The following LRRC49 variants were observed in gnomAD, a reference collection of about 807,000 sequenced individuals.
LRRC49 encodes leucine-rich repeat-containing protein 49.
In LRRC49, 50 loss-of-function variants were observed where a neutral mutation model predicts 83.3. That is an observed-to-expected ratio of 0.60 (90% CI 0.48 to 0.76). The LOEUF is 0.76. LRRC49 is among the 30% of genes least tolerant of loss of function. LRRC49 has a pLI of 0.00. For synonymous variants in LRRC49, 286 were observed against 283.3 expected (o/e 1.01, Z -0.10); for missense variants, 704 against 809.1 (o/e 0.87, Z 1.58).
At chr15:71,025,860 C>T (rs1315042697) in intron 14 of LRRC49, among the ~76,000 whole-genome samples, 2 of 152,034 alleles carry the variant, frequency 1.3e-5, no homozygotes, top group Non-Finnish European at 2.9e-5. Flanking sequence ...TACAGGAGCA[C>T]CCAGATTCAT....
chr15:70,977,398 A>G (rs958187123), intron 9 of LRRC49, among the ~76,000 whole-genome samples: 2 of 152,182 alleles, frequency 1.3e-5, no homozygotes, highest in African/African-American at 4.8e-5. Flanking sequence ...TAATTGTAGC[A>G]CTTTGGGAGG....
chr15:70,915,368 A>T (rs957714864), intron 6 of LRRC49, among the ~76,000 whole-genome samples: 1 of 152,208 alleles, frequency 6.6e-6, no homozygotes, highest in African/African-American at 2.4e-5. Context: ...GTAGTTTTCT[A>T]AAAGAAATGT....
intron 9 of LRRC49, among the ~76,000 whole-genome samples, chr15:70,978,039 T>C (rs2141218377): frequency 6.6e-6 from 1 of 152,236 alleles, no homozygotes; most frequent in Admixed American, 6.5e-5. Flanking sequence ...TTTTTAAATA[T>C]AATTATTTAA....
chr15:70,853,970 G>A, intron 1 of LRRC49: 1 of 1,459,732 alleles, frequency 6.9e-7, no homozygotes, highest in Non-Finnish European at 9.1e-7. Flanking sequence ...GGCGCCCCGA[G>A]TCTCCGCCCC....
chr15:70,913,778 A>G lies in LRRC49; in HGVS notation c.567+2180A>G, dbSNP rs1284148184. 3.3e-5 allele frequency among the ~76,000 whole-genome samples: 5 copies of G among 152,196 alleles called. No individual in the cohort carries two copies. The East Asian group carries it at 9.6e-4, about 29-fold the overall frequency. ...TTGTTTATTTTAAAGTGTATACATG[A>G]GAAATAATAAACATATGATTTTCAA... On this transcript the variant is annotated intron_variant, in intron 6 of 15. Coordinates refer to ENST00000260382, the MANE Select transcript of LRRC49 (RefSeq NM_017691.5).
At chr15:70,925,304 T>C (rs1476128700) in intron 7 of LRRC49, among the ~76,000 whole-genome samples, 3 of 152,084 alleles carry the variant, frequency 2.0e-5, no homozygotes, top group Non-Finnish European at 4.4e-5. Flanking sequence ...CAAAAAGTTA[T>C]GGAAATAGGG....
chr15:70,909,072 T>C (rs1442809156), intron 5 of LRRC49, among the ~76,000 whole-genome samples: 1 of 152,192 alleles, frequency 6.6e-6, no homozygotes, highest in Admixed American at 6.5e-5. Context: ...GTTTCTCTGA[T>C]TGAAGGGCCT....
chr15:70,862,920 C>T (rs1274451198), intron 1 of LRRC49, among the ~76,000 whole-genome samples: 1 of 152,126 alleles, frequency 6.6e-6, no homozygotes, highest in Admixed American at 6.5e-5. Context: ...AGGCATCAGA[C>T]CAGCCTGCTG....
intron 9 of LRRC49, among the ~76,000 whole-genome samples, chr15:70,969,930 T>A (rs777522494): frequency 5.3e-5 from 8 of 152,126 alleles, no homozygotes; most frequent in Non-Finnish European, 1.0e-4. Context: ...CAAACAGAGA[T>A]AATCTGACTC....
intron 1 of LRRC49, chr15:70,860,035 C>T: frequency 2.7e-6 from 2 of 742,896 alleles, no homozygotes; most frequent in East Asian, 4.9e-5. Flanking sequence ...GCCTGGGCTC[C>T]AGCTTTGGCT....
intron 14 of LRRC49, among the ~76,000 whole-genome samples, chr15:71,015,543 G>T (rs1405534413): frequency 6.6e-6 from 1 of 152,136 alleles, no homozygotes; most frequent in Non-Finnish European, 1.5e-5. Flanking sequence ...CCTGCTATGT[G>T]GCCCGGTTCC....
chr15:70,940,236 C>T (rs954045847), intron 8 of LRRC49, among the ~76,000 whole-genome samples: 3 of 150,724 alleles, frequency 2.0e-5, no homozygotes, highest in African/African-American at 7.3e-5. Context: ...TTTCACTGAC[C>T]TTCAGAATAT....
chr15:70,998,641 A>G (rs1042101078), intron 11 of LRRC49, among the ~76,000 whole-genome samples: 1 of 152,082 alleles, frequency 6.6e-6, no homozygotes, highest in Non-Finnish European at 1.5e-5. Context: ...TAGTTTGATT[A>G]TAATGTGTCT....
chr15:70,872,499 A>T (rs1012974902), intron 1 of LRRC49, among the ~76,000 whole-genome samples: 14 of 152,146 alleles, frequency 9.2e-5, no homozygotes, highest in Non-Finnish European at 2.1e-4. Flanking sequence ...AAACATTCAT[A>T]TTGGTGCTAA....
At chr15:71,011,779 G>A (rs141320068) in intron 13 of LRRC49, among the ~76,000 whole-genome samples, 11 of 152,272 alleles carry the variant, frequency 7.2e-5, no homozygotes, top group Non-Finnish European at 1.3e-4. Flanking sequence ...ATCCAGGGAA[G>A]GGAAGAGAGT....
Position 70,894,356 on chromosome 15 carries a change from C to T in LRRC49, c.105+716C>T, listed in dbSNP as rs114340174. Among the ~76,000 whole-genome samples the T allele has an allele frequency of 3.4e-3, 525 of 152,182 alleles. 5 individuals are homozygous for T. Among genetic ancestry groups the T allele is most frequent in the African/African-American group, 0.012 (511 of 41,514 alleles). On this transcript the variant is annotated intron_variant, in intron 2 of 15. Transcript: ENST00000260382. ...AATGGTAATTGGGAGGGCATATCCA[C>T]ACATCCCATTTAAAATCAGGGAAGA... is the stretch of plus-strand genomic sequence containing the variant.
At chr15:71,043,488 A>G (rs2039759033) in intron 15 of LRRC49, among the ~76,000 whole-genome samples, 1 of 152,216 alleles carries the variant, frequency 6.6e-6, no homozygotes, top group Admixed American at 6.5e-5. Context: ...AGCATTACTC[A>G]AGGAGCAACA....
intron 11 of LRRC49, among the ~76,000 whole-genome samples, chr15:71,007,283 A>T (rs939208815): frequency 5.3e-5 from 8 of 151,988 alleles, no homozygotes; most frequent in Admixed American, 1.3e-4. Context: ...TTAAAAGCTG[A>T]TTACTAGATT....
intron 15 of LRRC49, among the ~76,000 whole-genome samples, chr15:71,039,274 G>A (rs1386199847): frequency 2.0e-5 from 3 of 152,152 alleles, no homozygotes; most frequent in Non-Finnish European, 2.9e-5. Flanking sequence ...AGAGAACAAT[G>A]TGAAAGAGAT....
Sources: gnomAD v4.1 joint callset for allele counts (sites outside exome capture counted in the v4.1 genomes callset) on GRCh38, gnomAD v4.1.1 for gene constraint, MANE v1.5 for transcripts, NCBI Gene and HGNC (gene_info 2026-07-23, HGNC 2026-07-21) for gene names.